C17orf78: variants seen among roughly 807,000 people sequenced by gnomAD.
The protein encoded by C17orf78 is chromosome 17 open reading frame 78.
Under a neutral mutation model 31.8 loss-of-function variants are expected in C17orf78, and 27 were observed. That is an observed-to-expected ratio of 0.85 (90% confidence interval 0.63 to 1.17). The LOEUF is 1.17. Ranked by LOEUF, C17orf78 falls within the 50% of genes most tolerant of loss-of-function variation. C17orf78 has a pLI of 0.00. For synonymous variants in C17orf78, 106 were observed against 115.1 expected, an observed-to-expected ratio of 0.92 and a Z score of 0.51; for missense variants, 258 against 315.2, an observed-to-expected ratio of 0.82 and a Z score of 1.37.
chr17:37,377,702 T>A (rs542222003), intron 1 of C17orf78, among the ~76,000 whole-genome samples, 177 bp from the exon 2 acceptor site: 95 of 138,516 alleles, frequency 6.9e-4, no homozygotes, highest in Non-Finnish European at 1.3e-3. Flanking sequence ...AATAAATAAA[T>A]AAAAGTAAAG....
rs77624360 is a variant in C17orf78, at chr17:37,380,669, C to G, written c.391+1287C>G. 8.7e-4 allele frequency among the ~76,000 whole-genome samples: 132 copies of G among 152,112 alleles called. 1 individual carries two copies. Among genetic ancestry groups the G allele is most frequent in the African/African-American group, 3.1e-3 (129 of 41,510 alleles). ...TTGGAGTCCAGTGGTGCGATCTTGGCCCACTGCAACCTCTGCCTCCCAGGT... is the reference window on the plus strand; with the variant it reads ...TTGGAGTCCAGTGGTGCGATCTTGGGCCACTGCAACCTCTGCCTCCCAGGT... On this transcript the variant is annotated intron_variant, in intron 3 of 6. Coordinates refer to ENST00000615133, the MANE Select transcript of C17orf78 (RefSeq NM_173625.5).
intron 1 of C17orf78, among the ~76,000 whole-genome samples, chr17:37,376,946 T>C (rs924127554): frequency 1.3e-5 from 2 of 152,060 alleles, no homozygotes; most frequent in African/African-American, 4.8e-5. Flanking sequence ...AGAATGAGAC[T>C]CTGTCTCAAA....
Position 37,390,330 on chromosome 17 carries a change from A to ATATATATCTATATCTATATATC in C17orf78, c.750+972_750+973insTATCTATATCTATATATCTATA, listed in dbSNP as rs1386032855. Among the ~76,000 whole-genome samples, 2 of 41,592 alleles carry ATATATATCTATATCTATATATC rather than the reference A, an allele frequency of 4.8e-5. 1 individual carries two copies. The highest frequency in any genetic ancestry group is 1.0e-3 in the Admixed American group (2 of 1,998). 27.3% of individuals were successfully genotyped at this position (41,592 alleles called of 152,430 possible). ...TATATATATATATATATATATATAT[A>ATATATATCTATATCTATATATC]TATAAAAGGCCAGCTGGGCCGGGCA... On this transcript the variant is annotated intron_variant, in intron 6 of 6. Coordinates refer to ENST00000615133, the MANE Select transcript of C17orf78 (RefSeq NM_173625.5).
At chr17:37,390,693 T>G (rs1245979771) in intron 6 of C17orf78, among the ~76,000 whole-genome samples, 1 of 149,146 alleles carries the variant, frequency 6.7e-6, no homozygotes, top group South Asian at 2.1e-4. Context: ...CTTGGGAGGC[T>G]GAGGTGGGAG....
chr17:37,386,927 C>T (rs889375954), intron 4 of C17orf78: 16 of 119,902 alleles, frequency 1.3e-4, no homozygotes, highest in Admixed American at 9.9e-4. Context: ...AAGTGATCCC[C>T]CCACCTCAGC....
chr17:37,390,215 T>A (rs1195592112), intron 6 of C17orf78, among the ~76,000 whole-genome samples: 5 of 68,854 alleles, frequency 7.3e-5, no homozygotes, highest in Non-Finnish European at 1.2e-4. Context: ...AATTATATAT[T>A]TATTATATAT....
rs1244729293 is a variant in C17orf78 at position 37,376,102 on chromosome 17, A to G, written c.10A>G (p.Ile4Val). MDT[I>V]LVFSLIIASY... ...ATGTGCTCAAGCTAACATGGATACC[A>G]TCTTGGTCTTCAGCCTAATCATTGC... Residue 4 changes from isoleucine (I) to valine (V), a missense_variant, in exon 1 of 7, where the codon ATC becomes GTC. Coordinates refer to ENST00000615133, the MANE Select transcript of C17orf78 (RefSeq NM_173625.5). The G allele has an allele frequency of 6.2e-7, 1 of 1,612,748 alleles. No individual in the cohort carries two copies. The highest frequency in any genetic ancestry group is 1.3e-5 in the African/African-American group (1 of 74,920).
intron 3 of C17orf78, among the ~76,000 whole-genome samples, chr17:37,380,417 A>G (rs956624653): frequency 2.6e-5 from 4 of 151,916 alleles, no homozygotes; most frequent in Non-Finnish European, 5.9e-5. Flanking sequence ...CTAAAACTTA[A>G]AGTATAATAA....
intron 3 of C17orf78, among the ~76,000 whole-genome samples, chr17:37,381,452 C>T (rs1484645060): frequency 6.6e-6 from 1 of 151,934 alleles, no homozygotes; most frequent in Non-Finnish European, 1.5e-5. Context: ...TCCCAAAGTG[C>T]TAGGATTACA....
Position 37,390,304 on chromosome 17 carries a change from TTATATA to T in C17orf78, c.750+967_750+972del, listed in dbSNP as rs1189193698. On this transcript the variant is annotated intron_variant, in intron 6 of 6. Transcript: ENST00000615133. ...ATATATAATTATATATTATACATAA[TTATATA>T]TATATATATATATATATATATATAA... 6.0e-3 allele frequency among the ~76,000 whole-genome samples: 107 copies of T among 17,976 alleles called. 7 individuals carry two copies. Among genetic ancestry groups the T allele is most frequent in the East Asian group, 0.038 (9 of 234 alleles). The allele number at this position is 17,976 out of a possible 152,430, so 11.8% of individuals were successfully genotyped here.
Position 37,391,715 on chromosome 17 carries a change from A to C in C17orf78, c.819A>C (p.Thr273=). 6.2e-7 allele frequency: 1 copy of C among 1,613,702 alleles called. No homozygotes were observed. Among genetic ancestry groups the C allele is most frequent in the African/African-American group, 1.3e-5 (1 of 75,044 alleles). ...KAAEITVIHQ[T]YF The stretch of plus-strand genomic sequence containing the variant: ...CAGAGATCACTGTTATCCACCAGAC[A>C]TACTTCTGAAAAGTTCTGCTCTATC... The change falls in exon 7 of 7, where the codon ACA becomes ACC. Residue 273 remains threonine (T), a synonymous_variant. Transcript: ENST00000615133.
chr17:37,390,113 G>A (rs1289752799), intron 6 of C17orf78, among the ~76,000 whole-genome samples: 1 of 104,420 alleles, frequency 9.6e-6, no homozygotes, highest in Non-Finnish European at 1.8e-5. Context: ...GCAACATAGC[G>A]AGACACTGTC....
chr17:37,380,205 C>T (rs962056654), intron 3 of C17orf78, among the ~76,000 whole-genome samples: 1 of 143,522 alleles, frequency 7.0e-6, no homozygotes, highest in Non-Finnish European at 1.5e-5. Flanking sequence ...TATTCTCACT[C>T]ATAGGTGGGA....
chr17:37,381,633 T>A (rs2050265221), intron 3 of C17orf78, among the ~76,000 whole-genome samples: 1 of 148,900 alleles, frequency 6.7e-6, no homozygotes, highest in East Asian at 1.9e-4. Context: ...AGTCTTTTTT[T>A]TTTTTTTTTT....
At chr17:37,382,247 G>A (rs763473501) in intron 3 of C17orf78, among the ~76,000 whole-genome samples, 19 of 151,974 alleles carry the variant, frequency 1.3e-4, no homozygotes, top group Non-Finnish European at 2.6e-4. Context: ...CCACACTGGG[G>A]GAGAATGCCT....
Position 37,388,527 on chromosome 17 carries a change from G to C in C17orf78, c.509-143G>C, listed in dbSNP as rs1371031644. On this transcript the variant is annotated intron_variant, in intron 4 of 6. Coordinates refer to ENST00000615133, the MANE Select transcript of C17orf78 (RefSeq NM_173625.5). ...TCACACCCCCTCCAGCCCTGAGTTT[G>C]AATTGGAAATTCTGCCTCTGCCTCT... 5.2e-6 allele frequency: 5 copies of C among 955,822 alleles called. No homozygotes were observed. The East Asian group carries it at 1.3e-4, about 25-fold the overall frequency. The allele number at this position is 955,822 out of a possible 1,614,324, so 59.2% of individuals were successfully genotyped here. A position where few individuals can be genotyped will look rare whatever the true frequency, so the allele number is the denominator to read the frequency against.
At chr17:37,386,373 C>T (rs111580333) in intron 4 of C17orf78, among the ~76,000 whole-genome samples, 9,638 of 152,098 alleles carry the variant, frequency 0.063, 996 homozygotes, top group African/African-American at 0.21. Flanking sequence ...GGGCGGATCA[C>T]CTGTGGTCAG....
At chr17:37,388,434 G>A (rs2050644718) in intron 4 of C17orf78, among the ~76,000 whole-genome samples, 1 of 152,094 alleles carries the variant, frequency 6.6e-6, no homozygotes, top group African/African-American at 2.4e-5. Context: ...CCAATTCCAG[G>A]GAAGGTGACT....
intron 6 of C17orf78, among the ~76,000 whole-genome samples, chr17:37,390,276 A>AATT (rs2050776884): frequency 3.3e-5 from 2 of 60,662 alleles, no homozygotes; most frequent in Admixed American, 3.0e-4. Context: ...TATATAATAT[A>AATT]TTATATATAA....
Sources: gnomAD v4.1 joint callset for allele counts (sites outside exome capture counted in the v4.1 genomes callset) on GRCh38, gnomAD v4.1.1 for gene constraint, MANE v1.5 for transcripts, NCBI Gene and HGNC (gene_info 2026-07-23, HGNC 2026-07-21) for gene names.